NFE2L3: variants seen among roughly 807,000 people sequenced by gnomAD.
NFE2L3 encodes nuclear factor erythroid 2-related factor 3.
In NFE2L3, 18 loss-of-function variants were observed where a neutral mutation model predicts 23.5. The ratio of observed to expected loss-of-function variants is 0.77; its 90% CI spans 0.53 to 1.13. The LOEUF is 1.13. Among genes scored for constraint, NFE2L3 ranks in the 50% most tolerant of loss-of-function variants. The probability of loss-of-function intolerance (pLI) is 0.00; values close to 1 mark genes in which losing one functional copy is unlikely to be tolerated. For synonymous variants in NFE2L3, 424 were observed against 354.5 expected (o/e 1.20, Z -2.20); for missense variants, 1,152 against 877.2 (o/e 1.31, Z -3.96).
intron 1 of NFE2L3, among the ~76,000 whole-genome samples, chr7:26,177,060 T>C (rs1488172124): frequency 3.8e-5 from 2 of 53,102 alleles, no homozygotes; most frequent in African/African-American, 2.3e-4. Context: ...GCAGAGATGC[T>C]CCTCACTTCC....
At chr7:26,157,419 A>G (rs1784098999) in intron 1 of NFE2L3, among the ~76,000 whole-genome samples, 2 of 151,980 alleles carry the variant, frequency 1.3e-5, no homozygotes, top group Admixed American at 1.3e-4. Context: ...GCTCAAGTAC[A>G]GGCATGAGCT....
chr7:26,154,852 G>A (rs1338434776), intron 1 of NFE2L3, among the ~76,000 whole-genome samples: 2 of 152,188 alleles, frequency 1.3e-5, no homozygotes, highest in Admixed American at 6.5e-5. Context: ...AGACTGGCAG[G>A]CCTGCCTTGG....
chr7:26,183,105 A>T (rs1290751215), intron 2 of NFE2L3, among the ~76,000 whole-genome samples: 1 of 152,162 alleles, frequency 6.6e-6, no homozygotes, highest in Admixed American at 6.5e-5. Context: ...ATAATTGTGT[A>T]ACCAACTGGG....
intron 1 of NFE2L3, among the ~76,000 whole-genome samples, chr7:26,155,983 C>T (rs1372422282): frequency 6.6e-6 from 1 of 152,182 alleles, no homozygotes; most frequent in Non-Finnish European, 1.5e-5. Flanking sequence ...ACCCACCCTC[C>T]TTCACCTGTC....
At chr7:26,160,594 A>G (rs146340308) in intron 1 of NFE2L3, among the ~76,000 whole-genome samples, 1,669 of 152,356 alleles carry the variant, frequency 0.011, 18 homozygotes, top group Non-Finnish European at 0.018. Context: ...AGGAGCTGCA[A>G]TGCTACAGGC....
At chr7:26,163,549 G>A (rs764728287) in intron 1 of NFE2L3, among the ~76,000 whole-genome samples, 4 of 152,072 alleles carry the variant, frequency 2.6e-5, no homozygotes, top group Non-Finnish European at 5.9e-5. Context: ...ATTTCACCAC[G>A]TTGACCAGGC....
At position 26,185,784 on chromosome 7, in the gene NFE2L3, G is replaced by T; in HGVS notation, c.*1G>T. 6.3e-7 allele frequency: 1 copy of T among 1,575,324 alleles called. No individual in the cohort carries two copies. Among genetic ancestry groups the T allele is most frequent in the Admixed American group, 2.1e-5 (1 of 47,428 alleles). On this transcript the variant is annotated 3_prime_UTR_variant, in exon 4 of 4. Coordinates refer to ENST00000056233, the MANE Select transcript of NFE2L3 (RefSeq NM_004289.7). ...AACCCAAAAGGGAAAGAGAAAGTGAGAAGAAACTGAAGATGGACTCTATTA... is the reference window on the plus strand; with the variant it reads ...AACCCAAAAGGGAAAGAGAAAGTGATAAGAAACTGAAGATGGACTCTATTA...
Position 26,152,588 on chromosome 7 carries a change from A to C in NFE2L3, c.90A>C (p.Leu30=). 6.5e-7 allele frequency: 1 copy of C among 1,547,082 alleles called. No individual in the cohort carries two copies. The highest frequency in any genetic ancestry group is 8.6e-7 in the Non-Finnish European group (1 of 1,157,788). ...LLSLAGLRVD[L]DLYLLLPPPT... ...GCTTGGCGGGGCTCCGCGTAGACCT[A>C]GATCTTTACCTGCTGCTGCCGCCGC... Residue 30 remains leucine (L), a synonymous_variant, in exon 1 of 4, where the codon CTA becomes CTC. Coordinates refer to ENST00000056233, the MANE Select transcript of NFE2L3 (RefSeq NM_004289.7). This position sits in a 1 kb window ranked among gnomAD's most constrained non-coding sequence, Gnocchi z 4.4.
intron 1 of NFE2L3, among the ~76,000 whole-genome samples, chr7:26,176,805 G>C (rs1784417454): frequency 3.0e-5 from 3 of 99,536 alleles, no homozygotes; most frequent in Non-Finnish European, 1.9e-5. Context: ...TCACTTCCCA[G>C]ACGGGGTGGC....
intron 1 of NFE2L3, among the ~76,000 whole-genome samples, chr7:26,154,955 CTCCTGGCAGTGCCT>C (rs1784059595): frequency 6.6e-6 from 1 of 152,196 alleles, no homozygotes; most frequent in South Asian, 2.1e-4. Flanking sequence ...GAGAACCATT[CTCCTGGCAGTGCCT>C]TCCTGGCTGG....
intron 1 of NFE2L3, among the ~76,000 whole-genome samples, chr7:26,173,139 T>C (rs1299252244): frequency 4.6e-5 from 7 of 152,218 alleles, no homozygotes; most frequent in Non-Finnish European, 1.0e-4. Flanking sequence ...AATTTTGGCT[T>C]CCTGTAGTGT....
chr7:26,184,460 A>T, intron 3 of NFE2L3, 73 bp from the exon 4 acceptor site: 3 of 1,375,742 alleles, frequency 2.2e-6, no homozygotes, highest in Non-Finnish European at 3.0e-6. Context: ...AGGGGAAAGA[A>T]AGTTGTTAGG....
chr7:26,183,659 A>T (rs780447605), intron 2 of NFE2L3, 42 bp from the exon 3 acceptor site: 4 of 1,240,540 alleles, frequency 3.2e-6, no homozygotes, highest in East Asian at 4.6e-5. Context: ...CAACCAGTTC[A>T]GTCTTTTATG....
rs536426943 is a variant in NFE2L3 at position 26,181,819 on chromosome 7, T to C, written c.751-1882T>C. ...CTAGAAAAGAGCCCAAATGAAATTC[T>C]AGATATGAAAAAAGTCATTTTCATT... On this transcript the variant is annotated intron_variant, in intron 2 of 3. Coordinates refer to ENST00000056233, the MANE Select transcript of NFE2L3 (RefSeq NM_004289.7). 2.7e-3 allele frequency among the ~76,000 whole-genome samples: 415 copies of C among 152,240 alleles called. 1 individual carries two copies. Among genetic ancestry groups the C allele is most frequent in the African/African-American group, 8.6e-3 (359 of 41,554 alleles).
chr7:26,170,278 C>A (rs367859077), intron 1 of NFE2L3, among the ~76,000 whole-genome samples: 8 of 152,288 alleles, frequency 5.3e-5, no homozygotes, highest in African/African-American at 1.9e-4. Context: ...GTAGCCACTA[C>A]CTTCCTTCCC....
chr7:26,167,630 A>G (rs1784269708), intron 1 of NFE2L3, among the ~76,000 whole-genome samples: 1 of 152,212 alleles, frequency 6.6e-6, no homozygotes, highest in Non-Finnish European at 1.5e-5. Flanking sequence ...TCTTTAAATA[A>G]AGAGCATGAA....
Position 26,185,603 on chromosome 7 carries a change from AC to A in NFE2L3, c.1906del (p.Gln636ArgfsTer14). 6.2e-7 allele frequency: 1 copy of A among 1,613,814 alleles called. No individual in the cohort carries two copies. The highest frequency in any genetic ancestry group is 8.5e-7 in the Non-Finnish European group (1 of 1,179,814). Reference sequence around the variant, plus strand: ...GTAACAAAGCTATTAACATAATGAAACAGAAACTGCATGACCTTTATCATGA... The same window carrying A: ...GTAACAAAGCTATTAACATAATGAAAAGAAACTGCATGACCTTTATCATGA... Reference protein sequence around the residue: ...QCNKAINIMKQKLHDLYHDIF... With the variant: ...QCNKAINIMKXKLHDLYHDIF... On this transcript the variant is annotated frameshift_variant, in exon 4 of 4. Coordinates refer to ENST00000056233, the MANE Select transcript of NFE2L3 (RefSeq NM_004289.7). LOFTEE classifies it high-confidence loss of function.
chr7:26,173,263 C>G (rs973589742), intron 1 of NFE2L3, among the ~76,000 whole-genome samples: 11 of 152,214 alleles, frequency 7.2e-5, no homozygotes, highest in Admixed American at 2.0e-4. Flanking sequence ...AGTTTCCCCC[C>G]ACAAAAAAAG....
intron 2 of NFE2L3, among the ~76,000 whole-genome samples, chr7:26,178,987 G>A (rs1328337719): frequency 6.6e-6 from 1 of 152,090 alleles, no homozygotes; most frequent in Admixed American, 6.5e-5. Context: ...ACCCTTCTCA[G>A]ACAGCTGTCA....
Sources: allele counts gnomAD v4.1 joint callset (sites outside exome capture counted in the v4.1 genomes callset), GRCh38; gene constraint gnomAD v4.1.1; non-coding constraint Gnocchi (gnomAD v3.1); transcripts MANE v1.5; gene names NCBI Gene and HGNC (gene_info 2026-07-23, HGNC 2026-07-21).